Variants in TRIM2 observed in about 807,000 individuals in gnomAD.
The protein encoded by TRIM2 is tripartite motif containing 2, also known as tripartite motif-containing protein 2.
A neutral mutation model predicts 75.2 loss-of-function variants in TRIM2; 20 were observed. The ratio of observed to expected loss-of-function variants is 0.27; its 90% CI spans 0.19 to 0.39. TRIM2 has a LOEUF of 0.39. Among genes scored for constraint, TRIM2 ranks in the 10% least tolerant of loss-of-function variants. The pLI, the probability that TRIM2 is intolerant of heterozygous loss-of-function variation, is 1.00. For missense variants in TRIM2, 660 were observed against 990.8 expected, an observed-to-expected ratio of 0.67 and a Z score of 4.48; for synonymous variants, 373 against 388.3, an observed-to-expected ratio of 0.96 and a Z score of 0.46.
chr4:153,283,020 G>A (rs910926799), intron 3 of TRIM2, among the ~76,000 whole-genome samples: 2 of 151,662 alleles, frequency 1.3e-5, no homozygotes, highest in African/African-American at 4.8e-5. Flanking sequence ...AGGCTCAAAG[G>A]ATCCTCCTGC....
At chr4:153,292,853 G>A (rs774914045) in intron 3 of TRIM2, 129 bp from the exon 4 acceptor site, 3 of 970,502 alleles carry the variant, frequency 3.1e-6, no homozygotes, top group Non-Finnish European at 4.4e-6. Flanking sequence ...TGTGAAGCTG[G>A]ACTTAATAAT....
At chr4:153,213,610 C>A (rs1333051858) in intron 1 of TRIM2, among the ~76,000 whole-genome samples, 5 of 152,200 alleles carry the variant, frequency 3.3e-5, no homozygotes, top group Non-Finnish European at 7.4e-5. Flanking sequence ...TCACTGCAAC[C>A]TCTGCCTCCC....
intron 1 of TRIM2, among the ~76,000 whole-genome samples, chr4:153,181,086 T>C (rs1732010875): frequency 6.6e-6 from 1 of 152,096 alleles, no homozygotes; most frequent in Non-Finnish European, 1.5e-5. Context: ...CCAATAATAA[T>C]GATAAAAAGA....
At chr4:153,275,564 C>T (rs781698500) in intron 2 of TRIM2, among the ~76,000 whole-genome samples, 10 of 152,120 alleles carry the variant, frequency 6.6e-5, no homozygotes, top group Admixed American at 1.3e-4. Flanking sequence ...AGCAGGTGTT[C>T]GATAGGGTCT....
At chr4:153,227,806 C>T (rs780306483) in intron 1 of TRIM2, among the ~76,000 whole-genome samples, 5 of 152,118 alleles carry the variant, frequency 3.3e-5, no homozygotes, top group South Asian at 2.1e-4. Context: ...CACCCTCCCC[C>T]GCTTTTTGTA....
At chr4:153,216,074 A>G (rs192780944) in intron 1 of TRIM2, among the ~76,000 whole-genome samples, 1 of 152,302 alleles carries the variant, frequency 6.6e-6, no homozygotes. Context: ...GCAATTGAGA[A>G]AAATCACCAA....
chr4:153,193,174 C>T (rs369938841), intron 1 of TRIM2, among the ~76,000 whole-genome samples: 3 of 148,828 alleles, frequency 2.0e-5, no homozygotes, highest in East Asian at 3.9e-4. Context: ...CTCTGTCGCC[C>T]AGGCTGGAAT....
At chr4:153,311,894 TTTTATTTATTTA>T (rs112254741) in intron 6 of TRIM2, among the ~76,000 whole-genome samples, 17 of 144,332 alleles carry the variant, frequency 1.2e-4, no homozygotes, top group Middle Eastern at 3.6e-3. Context: ...GTTTTTATTC[TTTTATTTATTTA>T]TTTATTTATT....
At chr4:153,210,417 T>C (rs1178457025) in intron 1 of TRIM2, among the ~76,000 whole-genome samples, 1 of 151,894 alleles carries the variant, frequency 6.6e-6, no homozygotes, top group African/African-American at 2.4e-5. Flanking sequence ...TGCTGAGGAG[T>C]CTCTTTCGCA....
In TRIM2 at chr4:153,335,989, G is replaced by GT. The variant is rs879019910; in HGVS notation, c.*1025dup. 37 of 985,812 alleles carry GT rather than the reference G, an allele frequency of 3.8e-5. No individual in the cohort carries two copies. The South Asian group carries it at 1.6e-3, about 44-fold the overall frequency. 61.1% of individuals were successfully genotyped at this position (985,812 alleles called of 1,614,324 possible). On this transcript the variant is annotated 3_prime_UTR_variant, in exon 12 of 12. Transcript: ENST00000338700. ...AATGATTCCCCCTTAGAAAGCAAGT[G>GT]TTACCAAAGTTGTGTTATCTTGAAA...
intron 1 of TRIM2, among the ~76,000 whole-genome samples, chr4:153,189,837 C>T (rs758463180): frequency 2.0e-5 from 3 of 152,146 alleles, no homozygotes; most frequent in Admixed American, 1.3e-4. Context: ...ACACAACAGA[C>T]ATTTCTTTAG....
intron 1 of TRIM2, among the ~76,000 whole-genome samples, chr4:153,258,362 T>A (rs1003166182): frequency 1.3e-5 from 2 of 151,208 alleles, no homozygotes; most frequent in African/African-American, 4.9e-5. Flanking sequence ...CAAATCTGGG[T>A]GGAGCTCAAT....
intron 1 of TRIM2, among the ~76,000 whole-genome samples, chr4:153,232,310 C>T (rs973617890): frequency 4.6e-5 from 7 of 152,116 alleles, no homozygotes; most frequent in African/African-American, 1.7e-4. Context: ...ACCAGCCTGG[C>T]CAACATGGTG....
chr4:153,180,642 T>G (rs888672358), intron 1 of TRIM2, among the ~76,000 whole-genome samples: 12 of 152,180 alleles, frequency 7.9e-5, no homozygotes, highest in African/African-American at 2.7e-4. Context: ...CACGCTCAGC[T>G]AATTTTTGTA....
chr4:153,212,997 T>A (rs1179310949), intron 1 of TRIM2, among the ~76,000 whole-genome samples: 1 of 152,214 alleles, frequency 6.6e-6, no homozygotes, highest in Non-Finnish European at 1.5e-5. Context: ...TCACAGCTAC[T>A]GCCTGGGAAG....
chr4:153,270,019 C>T (rs1043333361), intron 1 of TRIM2, among the ~76,000 whole-genome samples: 8 of 152,132 alleles, frequency 5.3e-5, no homozygotes, highest in African/African-American at 1.9e-4. Flanking sequence ...ACCTCTGCCT[C>T]CTGGGTTCAG....
chr4:153,203,394 T>TACAC (rs35049904), upstream of TRIM2, among the ~76,000 whole-genome samples: 3,203 of 141,346 alleles, frequency 0.023, 59 homozygotes, highest in African/African-American at 0.053. Context: ...CCCACATCTC[T>TACAC]ACACACACAC....
At chr4:153,156,809 C>T (rs966302106) in intron 1 of TRIM2, 1 of 152,170 alleles carries the variant, frequency 6.6e-6, no homozygotes, top group African/African-American at 2.4e-5. Flanking sequence ...CTATCTTGAC[C>T]AGAGGTACAA....
At chr4:153,205,809 A>G (rs1480963041) in intron 1 of TRIM2, among the ~76,000 whole-genome samples, 4 of 152,192 alleles carry the variant, frequency 2.6e-5, no homozygotes, top group Non-Finnish European at 5.9e-5. Flanking sequence ...AAGTCAGAAT[A>G]CAAAGGGTGT....
Sources: allele counts gnomAD v4.1 joint callset (sites outside exome capture counted in the v4.1 genomes callset), GRCh38; gene constraint gnomAD v4.1.1; transcripts MANE v1.5; gene names NCBI Gene and HGNC (gene_info 2026-07-23, HGNC 2026-07-21).